Variants in KIAA0319 observed in about 807,000 individuals in gnomAD.
KIAA0319 encodes dyslexia-associated protein KIAA0319.
KIAA0319 carries 83 observed loss-of-function variants against 108.4 expected under a neutral mutation model. That is an observed-to-expected ratio of 0.77 (90% CI 0.64 to 0.92). The LOEUF (loss-of-function observed/expected upper bound fraction) is 0.92. Ranked by LOEUF, KIAA0319 falls within the 40% of genes least tolerant of loss-of-function variation. KIAA0319 has a pLI of 0.00. For missense variants in KIAA0319, 1,195 were observed against 1,322.4 expected (o/e 0.90, Z 1.49); for synonymous variants, 484 against 510.4 (o/e 0.95, Z 0.70).
At chr6:24,542,201 T>C (rs1760216462), downstream of KIAA0319, among the ~76,000 whole-genome samples, 2 of 152,240 alleles carry the variant, frequency 1.3e-5, no homozygotes, top group South Asian at 4.1e-4. Context: ...GTTGAAATTA[T>C]AAAGATTTTG....
chr6:24,592,004 G>C (rs549462553), intron 3 of KIAA0319, among the ~76,000 whole-genome samples: 1 of 151,996 alleles, frequency 6.6e-6, no homozygotes, highest in East Asian at 1.9e-4. Context: ...TTACTCTTTT[G>C]ATGTTGTCAT....
In KIAA0319 at chr6:24,563,531, A is replaced by G. The variant is rs1347836331; in HGVS notation, c.2432-13T>C. 18 of 1,598,462 alleles carry G rather than the reference A, an allele frequency of 1.1e-5. No individual in the cohort carries two copies. The highest frequency in any genetic ancestry group is 1.4e-5 in the Non-Finnish European group (17 of 1,174,520). ...CTCTTCCTAGGGTCTGGGGAAAGAG[A>G]AGATACAGGATTTGCACTTGGACAT... On this transcript the variant is annotated splice_polypyrimidine_tract_variant and intron_variant, in intron 15 of 20. Transcript: ENST00000378214.
intron 3 of KIAA0319, among the ~76,000 whole-genome samples, chr6:24,589,004 A>G (rs1441879404): frequency 1.3e-5 from 2 of 152,188 alleles, no homozygotes; most frequent in Non-Finnish European, 2.9e-5. Flanking sequence ...GACAATTAGT[A>G]TAGGTGAACT....
At chr6:24,606,808 G>A (rs187230077) in intron 1 of KIAA0319, among the ~76,000 whole-genome samples, 74 of 152,310 alleles carry the variant, frequency 4.9e-4, no homozygotes, top group African/African-American at 1.7e-3. Flanking sequence ...AAACTTCTGA[G>A]GGAAGCTCTT....
chr6:24,622,799 T>C (rs1774150109), intron 1 of KIAA0319, among the ~76,000 whole-genome samples: 1 of 152,114 alleles, frequency 6.6e-6, no homozygotes, highest in Non-Finnish European at 1.5e-5. Flanking sequence ...ATTTTAGCAC[T>C]CTGGGAGGCC....
intron 6 of KIAA0319, among the ~76,000 whole-genome samples, chr6:24,581,498 T>C (rs1311319441): frequency 6.6e-6 from 1 of 152,114 alleles, no homozygotes; most frequent in Non-Finnish European, 1.5e-5. Flanking sequence ...GGTTTATATA[T>C]CCTCCTAGGC....
At chr6:24,624,020 T>TTC (rs762693103) in intron 1 of KIAA0319, among the ~76,000 whole-genome samples, 590 of 43,306 alleles carry the variant, frequency 0.014, 72 homozygotes, top group African/African-American at 0.063. Context: ...TTGTTTTCTT[T>TTC]TTTTTTTTTT....
At chr6:24,626,943 T>C (rs1281719797) in intron 1 of KIAA0319, among the ~76,000 whole-genome samples, 1 of 152,064 alleles carries the variant, frequency 6.6e-6, no homozygotes, top group African/African-American at 2.4e-5. Context: ...TTTACAGAAA[T>C]GGCAAGTTAA....
chr6:24,621,029 A>G (rs1375471947), intron 1 of KIAA0319, among the ~76,000 whole-genome samples: 1 of 152,146 alleles, frequency 6.6e-6, no homozygotes, highest in Non-Finnish European at 1.5e-5. Context: ...ATACAGTCAC[A>G]CCTACTTCCC....
At chr6:24,570,060 A>G in intron 11 of KIAA0319, 25 bp from the exon 12 acceptor site, 4 of 1,610,840 alleles carry the variant, frequency 2.5e-6, no homozygotes, top group Non-Finnish European at 3.4e-6. Flanking sequence ...ACAGTGTGAA[A>G]AAGTATTATC....
chr6:24,583,538 T>C (rs1766953475), intron 5 of KIAA0319, 66 bp downstream of exon 5: 2 of 1,044,944 alleles, frequency 1.9e-6, no homozygotes, highest in South Asian at 1.4e-5. Flanking sequence ...GTAAATAGCC[T>C]GTAAGGACCT....
At chr6:24,612,223 G>A (rs992756171) in intron 1 of KIAA0319, among the ~76,000 whole-genome samples, 53 of 152,106 alleles carry the variant, frequency 3.5e-4, no homozygotes, top group African/African-American at 1.2e-3. Context: ...AGGCCCAGGC[G>A]GGAGGATCAC....
intron 11 of KIAA0319, among the ~76,000 whole-genome samples, chr6:24,571,407 G>A (rs1764712609): frequency 6.7e-6 from 1 of 149,554 alleles, no homozygotes; most frequent in African/African-American, 2.5e-5. Flanking sequence ...AAGTCATGTA[G>A]TCAAAAGCTG....
chr6:24,590,370 A>C (rs977244105), intron 3 of KIAA0319, among the ~76,000 whole-genome samples: 1 of 152,202 alleles, frequency 6.6e-6, no homozygotes, highest in African/African-American at 2.4e-5. Flanking sequence ...CAATTGACCA[A>C]CATTTTAAAA....
chr6:24,578,188 G>A lies in KIAA0319; in HGVS notation c.1427C>T (p.Pro476Leu). 2 of 1,609,434 alleles carry A rather than the reference G, an allele frequency of 1.2e-6. No homozygotes were observed. The highest frequency in any genetic ancestry group is 2.2e-5 in the South Asian group (2 of 90,820). Residue 476 changes from proline to leucine, a missense_variant, in exon 9 of 21, where the codon CCC (proline) becomes CTC (leucine). Pro to Leu is a moderately conservative substitution (Grantham distance 98, BLOSUM62 -3). Coordinates refer to ENST00000378214, the MANE Select transcript of KIAA0319 (RefSeq NM_014809.4). The stretch of plus-strand genomic sequence containing the variant: ...AACTGAAGTCTTCTCTTCTATGAAG[G>A]GCCCGTTTATTTCTTCCCAATGATA... ...VSYHWEEING[P>L]FIEEKTSVDS... is the part of the protein sequence containing the mutation.
At chr6:24,587,179 C>T (rs1767637440) in intron 4 of KIAA0319, among the ~76,000 whole-genome samples, 1 of 152,180 alleles carries the variant, frequency 6.6e-6, no homozygotes, top group African/African-American at 2.4e-5. Flanking sequence ...CTTCCTGTCT[C>T]CTAAATCTGG....
At chr6:24,609,002 C>G (rs1449541660) in intron 1 of KIAA0319, among the ~76,000 whole-genome samples, 1 of 147,984 alleles carries the variant, frequency 6.8e-6, no homozygotes, top group Non-Finnish European at 1.5e-5. Flanking sequence ...GGGCTCACGC[C>G]TGTGAGCCAA....
At chr6:24,576,886 C>T (rs1350771679) in intron 9 of KIAA0319, among the ~76,000 whole-genome samples, 1 of 151,912 alleles carries the variant, frequency 6.6e-6, no homozygotes, top group Non-Finnish European at 1.5e-5. Context: ...TATTGCTCCA[C>T]TGCGCTGCAG....
At chr6:24,600,793 A>G (rs1770511573) in intron 2 of KIAA0319, 1 of 784,932 alleles carries the variant, frequency 1.3e-6, no homozygotes. Context: ...TTTTCAATAT[A>G]TAAACATAAA....
Sources: allele counts gnomAD v4.1 joint callset (sites outside exome capture counted in the v4.1 genomes callset), GRCh38; gene constraint gnomAD v4.1.1; transcripts MANE v1.5; gene names NCBI Gene and HGNC (gene_info 2026-07-23, HGNC 2026-07-21).